UBE2D2: variants seen among roughly 807,000 people sequenced by gnomAD.
UBE2D2 encodes ubiquitin conjugating enzyme E2 D2, also known as ubiquitin-conjugating enzyme E2 D2.
A neutral mutation model predicts 24.2 loss-of-function variants in UBE2D2; 2 were observed. The ratio of observed to expected loss-of-function variants is 0.08; its 90% CI spans 0.03 to 0.26. The LOEUF (loss-of-function observed/expected upper bound fraction) is 0.26. Ranked by LOEUF, UBE2D2 falls within the 10% of genes least tolerant of loss-of-function variation. The pLI is 1.00. For synonymous variants in UBE2D2, 58 were observed against 56.5 expected, an observed-to-expected ratio of 1.03 and a Z score of -0.12; for missense variants, 44 against 177.6, an observed-to-expected ratio of 0.25 and a Z score of 4.28.
At chr5:139,583,494 G>A (rs1042729761) in intron 1 of UBE2D2, among the ~76,000 whole-genome samples, 1 of 152,184 alleles carries the variant, frequency 6.6e-6, no homozygotes, top group Admixed American at 6.6e-5. Flanking sequence ...AGGTGCAGTG[G>A]CTTACGCCTG....
At chr5:139,553,930 C>T (rs1752950832) in intron 1 of UBE2D2, among the ~76,000 whole-genome samples, 1 of 152,124 alleles carries the variant, frequency 6.6e-6, no homozygotes, top group South Asian at 2.1e-4. Context: ...CAGGTGCCCG[C>T]CACCACGCCT....
At chr5:139,551,378 A>G (rs59398207) in intron 1 of UBE2D2, among the ~76,000 whole-genome samples, 10,505 of 152,214 alleles carry the variant, frequency 0.069, 421 homozygotes, top group South Asian at 0.11. Context: ...TTTCTCCAGG[A>G]GAACTCCACA....
At chr5:139,600,091 C>T (rs1754041348) in intron 1 of UBE2D2, among the ~76,000 whole-genome samples, 1 of 152,140 alleles carries the variant, frequency 6.6e-6, no homozygotes, top group Non-Finnish European at 1.5e-5. Context: ...AGCCATCACG[C>T]CCGGCCCATA....
chr5:139,557,229 G>A (rs1029760490), upstream of UBE2D2, among the ~76,000 whole-genome samples: 3 of 151,742 alleles, frequency 2.0e-5, no homozygotes, highest in African/African-American at 7.3e-5. Flanking sequence ...CGCCTCCCGG[G>A]TTCAAGTGAT....
chr5:139,580,766 T>A (rs968103849), intron 1 of UBE2D2, among the ~76,000 whole-genome samples: 3 of 152,132 alleles, frequency 2.0e-5, no homozygotes, highest in African/African-American at 7.2e-5. Context: ...TTTTTTAAAA[T>A]AAGCAACACC....
At chr5:139,600,187 A>C in intron 1 of UBE2D2, 185 bp from the exon 2 acceptor site, 4 of 696,798 alleles carry the variant, frequency 5.7e-6, no homozygotes, top group Non-Finnish European at 1.0e-5. Context: ...AAAAAAATAC[A>C]CATTGCCTTG....
At chr5:139,547,757 T>C (rs1295301689) in intron 1 of UBE2D2, among the ~76,000 whole-genome samples, 2 of 151,886 alleles carry the variant, frequency 1.3e-5, no homozygotes, top group African/African-American at 4.8e-5. Context: ...TGCAATGGTG[T>C]GATCTTGGCT....
chr5:139,552,166 T>TC (rs1460163389), intron 1 of UBE2D2, among the ~76,000 whole-genome samples: 1 of 150,314 alleles, frequency 6.7e-6, no homozygotes, highest in Non-Finnish European at 1.5e-5. Context: ...TAGCTAACTT[T>TC]TTTTTTTTTT....
At chr5:139,549,572 C>A (rs1292177882) in intron 1 of UBE2D2, among the ~76,000 whole-genome samples, 1 of 152,232 alleles carries the variant, frequency 6.6e-6, no homozygotes. Context: ...GGCCTCAGCA[C>A]CTGCCCGCAG....
intron 1 of UBE2D2, among the ~76,000 whole-genome samples, chr5:139,583,818 G>A (rs1753658989): frequency 2.0e-5 from 3 of 152,020 alleles, no homozygotes; most frequent in Admixed American, 2.0e-4. Context: ...AATAGGAAAG[G>A]TTCTTGAATG....
intron 1 of UBE2D2, among the ~76,000 whole-genome samples, chr5:139,587,695 C>T (rs1220080852): frequency 4.1e-5 from 5 of 123,350 alleles, no homozygotes; most frequent in East Asian, 4.7e-4. Flanking sequence ...AAAAAAAAAA[C>T]GGACCAGAAG....
chr5:139,584,419 C>T (rs1753672516), intron 1 of UBE2D2, among the ~76,000 whole-genome samples: 1 of 151,114 alleles, frequency 6.6e-6, no homozygotes, highest in South Asian at 2.1e-4. Context: ...TGACTATATT[C>T]TCTTCATAAC....
chr5:139,549,871 A>C (rs1478421087), intron 1 of UBE2D2, among the ~76,000 whole-genome samples: 1 of 152,154 alleles, frequency 6.6e-6, no homozygotes, highest in Non-Finnish European at 1.5e-5. Context: ...GCCAATCAGC[A>C]CTCTGTGTCT....
chr5:139,608,678 G>A (rs1754248318), intron 2 of UBE2D2, among the ~76,000 whole-genome samples: 1 of 152,148 alleles, frequency 6.6e-6, no homozygotes, highest in Admixed American at 6.5e-5. Context: ...ACCCTGTTGG[G>A]GATTCTGCGT....
chr5:139,563,697 C>G (rs1753158157), intron 1 of UBE2D2, among the ~76,000 whole-genome samples: 1 of 152,152 alleles, frequency 6.6e-6, no homozygotes, highest in Non-Finnish European at 1.5e-5. Flanking sequence ...CTTTGGGAGG[C>G]TGAGGTGGGT....
intron 1 of UBE2D2, among the ~76,000 whole-genome samples, chr5:139,580,040 C>A (rs962300383): frequency 6.8e-6 from 1 of 146,602 alleles, no homozygotes; most frequent in Non-Finnish European, 1.5e-5. Flanking sequence ...AGCGAGACTC[C>A]CTCTCAAAAA....
chr5:139,570,756 C>T (rs1050372395), intron 1 of UBE2D2, among the ~76,000 whole-genome samples: 1 of 152,080 alleles, frequency 6.6e-6, no homozygotes, highest in African/African-American at 2.4e-5. Context: ...CGTGATCCAC[C>T]CACCTCGGCT....
chr5:139,526,930 A>AGT (rs1019033166), intron 1 of UBE2D2, among the ~76,000 whole-genome samples: 12 of 152,278 alleles, frequency 7.9e-5, no homozygotes, highest in African/African-American at 2.9e-4. Flanking sequence ...AAACGGTAAA[A>AGT]GTGTGTGTGT....
At chr5:139,583,241 T>C (rs1214266987) in intron 1 of UBE2D2, among the ~76,000 whole-genome samples, 1 of 152,044 alleles carries the variant, frequency 6.6e-6, no homozygotes, top group African/African-American at 2.4e-5. Context: ...TCTCAGAGTG[T>C]TGGGATTACA....
Sources: allele counts gnomAD v4.1 joint callset (sites outside exome capture counted in the v4.1 genomes callset), GRCh38; gene constraint gnomAD v4.1.1; transcripts MANE v1.5; gene names NCBI Gene and HGNC (gene_info 2026-07-23, HGNC 2026-07-21).